The following SLC7A14 variants were observed in gnomAD, a reference collection of about 807,000 sequenced individuals.
SLC7A14 encodes gamma-aminobutyric acid transporter SLC7A14.
In SLC7A14, 37 loss-of-function variants were observed where a neutral mutation model predicts 60.2. That is an observed-to-expected ratio of 0.61 (90% CI 0.47 to 0.81). The LOEUF (loss-of-function observed/expected upper bound fraction) is 0.81, where lower values mean the gene tolerates loss of function less well. Ranked by LOEUF, SLC7A14 falls within the 30% of genes least tolerant of loss-of-function variation. The pLI is 0.00. For missense variants in SLC7A14, 886 were observed against 982.7 expected, an observed-to-expected ratio of 0.90 and a Z score of 1.32; for synonymous variants, 399 against 395.8, an observed-to-expected ratio of 1.01 and a Z score of -0.10.
chr3:170,516,846 G>C (rs534093616), intron 2 of SLC7A14, among the ~76,000 whole-genome samples: 8 of 152,248 alleles, frequency 5.3e-5, no homozygotes, highest in Non-Finnish European at 1.2e-4. Flanking sequence ...CTGGAAGCAG[G>C]CTGAATCATA....
At chr3:170,525,814 C>G (rs186097724) in intron 2 of SLC7A14, among the ~76,000 whole-genome samples, 2 of 152,248 alleles carry the variant, frequency 1.3e-5, no homozygotes, top group East Asian at 3.9e-4. Context: ...CAGCACTTGC[C>G]GCGGCCGAGG....
chr3:170,498,774 T>G lies in SLC7A14; in HGVS notation c.652A>C (p.Asn218His), dbSNP rs1403821263. The G allele has an allele frequency of 6.2e-7, 1 of 1,614,094 alleles. No individual in the cohort carries two copies. Among genetic ancestry groups the G allele is most frequent in the South Asian group, 1.1e-5 (1 of 91,076 alleles). ...KNSIGFNNVL[N>H]VLNLAVWVFI... is the part of the protein sequence containing the mutation. ...ACCCATACTGCCAGGTTCAGCACAT[T>G]GAGAACATTGTTGAAGCCTATGGAA... Residue 218 changes from asparagine (N) to histidine (H), a missense_variant, in exon 4 of 8, where the codon AAT (asparagine) becomes CAT (histidine). Transcript: ENST00000231706.
intron 6 of SLC7A14, among the ~76,000 whole-genome samples, 166 bp downstream of exon 6, chr3:170,483,148 G>A (rs560172669): frequency 1.3e-5 from 2 of 152,262 alleles, no homozygotes; most frequent in East Asian, 3.9e-4. Context: ...GGCTGCTTCA[G>A]GGCCTGAGCT....
At chr3:170,536,349 A>T (rs1713840915) in intron 1 of SLC7A14, among the ~76,000 whole-genome samples, 1 of 152,254 alleles carries the variant, frequency 6.6e-6, no homozygotes, top group Non-Finnish European at 1.5e-5. Flanking sequence ...AAAGAAGAAG[A>T]GTGAACCATA....
chr3:170,495,502 G>T, intron 4 of SLC7A14: 2 of 831,194 alleles, frequency 2.4e-6, no homozygotes, highest in Non-Finnish European at 3.8e-6. Flanking sequence ...CAGGCCTTTA[G>T]CAGCCGCTTT....
chr3:170,515,303 A>T (rs1577529267), intron 2 of SLC7A14, among the ~76,000 whole-genome samples: 2 of 130,018 alleles, frequency 1.5e-5, no homozygotes, highest in Non-Finnish European at 3.2e-5. Flanking sequence ...ACAGAGTGAG[A>T]CTCTGTCCGC....
intron 1 of SLC7A14, among the ~76,000 whole-genome samples, chr3:170,538,993 G>A (rs1713932759): frequency 6.6e-6 from 1 of 152,158 alleles, no homozygotes; most frequent in South Asian, 2.1e-4. Context: ...TCAACTCAAC[G>A]TGTATTCGTC....
intron 3 of SLC7A14, 73 bp downstream of exon 3, chr3:170,501,036 T>G: frequency 6.7e-7 from 1 of 1,484,530 alleles, no homozygotes; most frequent in Non-Finnish European, 9.4e-7. Context: ...CCAAATTGCT[T>G]TCTGAAAGGA....
intron 6 of SLC7A14, 91 bp from the exon 7 acceptor site, chr3:170,481,257 C>A (rs1231646954): frequency 4.4e-6 from 6 of 1,369,476 alleles, no homozygotes; most frequent in African/African-American, 2.9e-5. Context: ...TATCAATAGG[C>A]TGGTGTGATT....
At chr3:170,553,383 A>C (rs1393547811) in intron 1 of SLC7A14, among the ~76,000 whole-genome samples, 1 of 152,232 alleles carries the variant, frequency 6.6e-6, no homozygotes, top group East Asian at 1.9e-4. Context: ...TATATACTAC[A>C]TATGCCCTTA....
intron 1 of SLC7A14, among the ~76,000 whole-genome samples, chr3:170,583,783 T>C (rs989802374): frequency 1.3e-5 from 2 of 152,212 alleles, no homozygotes; most frequent in Admixed American, 6.5e-5. Flanking sequence ...ATATTGGAGC[T>C]GAAGTTGTGT....
At chr3:170,530,954 A>G (rs981818731) in intron 1 of SLC7A14, among the ~76,000 whole-genome samples, 126 of 152,286 alleles carry the variant, frequency 8.3e-4, no homozygotes, top group African/African-American at 2.8e-3. Context: ...GGGGTGGTGA[A>G]TGGTTTCCCA....
intron 1 of SLC7A14, among the ~76,000 whole-genome samples, chr3:170,571,573 T>A (rs1714956563): frequency 1.3e-5 from 2 of 152,234 alleles, no homozygotes; most frequent in South Asian, 4.1e-4. Context: ...GGACTTCATA[T>A]TGTTTTTATT....
intron 2 of SLC7A14, 105 bp from the exon 3 acceptor site, chr3:170,501,450 A>G: frequency 2.2e-6 from 2 of 905,816 alleles, no homozygotes; most frequent in Non-Finnish European, 3.5e-6. Context: ...AGGATCTCAG[A>G]ACAAATACAC....
intron 1 of SLC7A14, among the ~76,000 whole-genome samples, chr3:170,531,397 G>A (rs1039365588): frequency 6.6e-6 from 1 of 152,030 alleles, no homozygotes; most frequent in African/African-American, 2.4e-5. Context: ...AAACAAACCA[G>A]CCTTTTTATG....
intron 1 of SLC7A14, among the ~76,000 whole-genome samples, chr3:170,557,984 T>C (rs560770988): frequency 2.0e-5 from 3 of 152,218 alleles, no homozygotes; most frequent in South Asian, 2.1e-4. Flanking sequence ...AAAGGGGAAA[T>C]TGGGTTACAC....
intron 2 of SLC7A14, among the ~76,000 whole-genome samples, chr3:170,510,398 A>T (rs968512988): frequency 1.8e-4 from 25 of 139,688 alleles, no homozygotes; most frequent in African/African-American, 5.5e-4. Context: ...AAAAAAAAAA[A>T]AATAAATAAA....
intron 4 of SLC7A14, among the ~76,000 whole-genome samples, chr3:170,497,233 A>G (rs149897322): frequency 8.7e-4 from 132 of 152,232 alleles, no homozygotes; most frequent in African/African-American, 3.0e-3. Flanking sequence ...ATAAGATAAT[A>G]TAGATCTGGG....
At chr3:170,524,288 A>T (rs1420302916) in intron 2 of SLC7A14, among the ~76,000 whole-genome samples, 6 of 152,250 alleles carry the variant, frequency 3.9e-5, no homozygotes, top group Non-Finnish European at 8.8e-5. Flanking sequence ...ATGCACCATT[A>T]GTACTCTTGG....
Sources: gnomAD v4.1 joint callset for allele counts (sites outside exome capture counted in the v4.1 genomes callset) on GRCh38, gnomAD v4.1.1 for gene constraint, MANE v1.5 for transcripts, NCBI Gene and HGNC (gene_info 2026-07-23, HGNC 2026-07-21) for gene names.